The following CADPS variants were observed in gnomAD, a reference collection of about 807,000 sequenced individuals.
The protein encoded by CADPS is calcium dependent secretion activator.
A neutral mutation model predicts 167.3 loss-of-function variants in CADPS; 57 were observed. The observed-to-expected ratio is 0.34, with a 90% CI of 0.28 to 0.42. The LOEUF (loss-of-function observed/expected upper bound fraction) is 0.42, where lower values mean the gene tolerates loss of function less well. Among genes scored for constraint, CADPS ranks in the 20% least tolerant of loss-of-function variants. CADPS has a pLI of 1.00. For synonymous variants in CADPS, 676 were observed against 635.3 expected, an observed-to-expected ratio of 1.06 and a Z score of -0.96; for missense variants, 1,414 against 1,738.1, an observed-to-expected ratio of 0.81 and a Z score of 3.32.
At position 62,536,560 on chromosome 3, in the gene CADPS, T is replaced by C. The variant is rs1168476602; in HGVS notation, c.1988A>G (p.His663Arg). Residue 663 changes from histidine to arginine, a missense_variant, in exon 12 of 30, where the codon CAT (histidine) becomes CGT (arginine). His to Arg is a conservative substitution (Grantham distance 29). Transcript: ENST00000383710. Reference sequence around the variant, plus strand: ...GGAAGAGATAAATTCATCCATGCCATGTTTTTGAGCTCTATCTGCGTCTGT... The same window carrying C: ...GGAAGAGATAAATTCATCCATGCCACGTTTTTGAGCTCTATCTGCGTCTGT... ...SQFYADRAQK[H>R]GMDEFISSNP... The C allele has an allele frequency of 1.2e-6, 2 of 1,613,472 alleles. No homozygotes were observed. The highest frequency in any genetic ancestry group is 1.7e-6 in the Non-Finnish European group (2 of 1,179,470).
At chr3:62,731,805 CAAAAA>C (rs1212456893) in intron 3 of CADPS, among the ~76,000 whole-genome samples, 1 of 27,136 alleles carries the variant, frequency 3.7e-5, no homozygotes, top group East Asian at 1.1e-3. Context: ...TGATCATATG[CAAAAA>C]AAAAAAAAAA....
At chr3:62,435,660 CT>C (rs2054856235) in intron 28 of CADPS, among the ~76,000 whole-genome samples, 2 of 152,080 alleles carry the variant, frequency 1.3e-5, no homozygotes, top group African/African-American at 4.8e-5. Context: ...AAATAAGCTC[CT>C]GAAAAATTTT....
At chr3:62,487,089 C>T (rs1195020923) in intron 21 of CADPS, among the ~76,000 whole-genome samples, 2 of 152,176 alleles carry the variant, frequency 1.3e-5, no homozygotes, top group Non-Finnish European at 2.9e-5. Context: ...CTGAACCCCA[C>T]CTCCAGAGTT....
At chr3:62,864,088 T>C (rs752249724) in intron 1 of CADPS, among the ~76,000 whole-genome samples, 7 of 152,184 alleles carry the variant, frequency 4.6e-5, no homozygotes, top group Admixed American at 6.5e-5. Flanking sequence ...TGCATACTAC[T>C]CAATACAGCT....
chr3:62,533,191 G>C (rs1577329550), intron 12 of CADPS, 133 bp from the exon 13 acceptor site: 1 of 693,452 alleles, frequency 1.4e-6, no homozygotes. Context: ...CCTATTATGT[G>C]CCAGCCACTG....
intron 1 of CADPS, among the ~76,000 whole-genome samples, chr3:62,804,223 G>A (rs1021035251): frequency 3.3e-5 from 5 of 152,116 alleles, no homozygotes; most frequent in African/African-American, 7.2e-5. Flanking sequence ...AATACTTGAC[G>A]GATGAATGAA....
Position 62,635,496 on chromosome 3 carries a change from T to C in CADPS, c.1325+10226A>G, listed in dbSNP as rs141690171. 1.4e-3 allele frequency among the ~76,000 whole-genome samples: 219 copies of C among 152,316 alleles called. No individual in the cohort carries two copies. The Middle Eastern group carries it at 0.017, about 12-fold the overall frequency. On this transcript the variant is annotated intron_variant, in intron 6 of 29. Coordinates refer to ENST00000383710, the MANE Select transcript of CADPS (RefSeq NM_003716.4). Reference sequence around the variant, plus strand: ...TGTGCTACTTGCTAAAAGTCAAATTTACAGAGATTTACTTGTGTTGGACCT... The same window carrying C: ...TGTGCTACTTGCTAAAAGTCAAATTCACAGAGATTTACTTGTGTTGGACCT...
At chr3:62,537,870 TG>T (rs2075013159) in intron 11 of CADPS, among the ~76,000 whole-genome samples, 3 of 152,088 alleles carry the variant, frequency 2.0e-5, no homozygotes, top group African/African-American at 7.2e-5. Context: ...ATCCATGGTA[TG>T]GTCAGATTTA....
chr3:62,615,461 G>T (rs1015566124), intron 6 of CADPS, among the ~76,000 whole-genome samples: 2 of 152,146 alleles, frequency 1.3e-5, no homozygotes, highest in African/African-American at 4.8e-5. Flanking sequence ...TGTGTTAAGT[G>T]CTTTTACATG....
rs569796751 is a variant in CADPS at position 62,792,813 on chromosome 3, G to T, written c.442-26829C>A. Among the ~76,000 whole-genome samples the T allele has an allele frequency of 6.7e-4, 102 of 152,080 alleles. 1 individual carries two copies. Among genetic ancestry groups the T allele is most frequent in the Non-Finnish European group, 1.2e-3 (79 of 67,994 alleles). On this transcript the variant is annotated intron_variant, in intron 1 of 29. Coordinates refer to ENST00000383710, the MANE Select transcript of CADPS (RefSeq NM_003716.4). The stretch of plus-strand genomic sequence containing the variant: ...GGGTCTCACTATGTTTCTCAGGCTG[G>T]CCTCAAACTCCTGGCCTCAGGTGAT...
chr3:62,539,905 T>A (rs1255314816), intron 11 of CADPS, among the ~76,000 whole-genome samples: 1 of 152,148 alleles, frequency 6.6e-6, no homozygotes, highest in African/African-American at 2.4e-5. Context: ...ACTAGGTATA[T>A]GATATGAGGC....
chr3:62,815,426 G>A (rs941130290), intron 1 of CADPS, among the ~76,000 whole-genome samples: 10 of 152,156 alleles, frequency 6.6e-5, no homozygotes, highest in African/African-American at 2.4e-4. Flanking sequence ...ATGGTGACCA[G>A]GGGTGGGGGA....
Position 62,852,008 on chromosome 3 carries a change from G to A in CADPS, c.441+22581C>T, listed in dbSNP as rs1290553945. Among the ~76,000 whole-genome samples, 333 of 145,986 alleles carry A rather than the reference G, an allele frequency of 2.3e-3. 3 individuals are homozygous for A. The highest frequency in any genetic ancestry group is 7.6e-3 in the African/African-American group (298 of 39,018). The stretch of plus-strand genomic sequence containing the variant: ...CTTTTTTCTCTAAACTTCCCTTCTC[G>A]CTTCATTTCATTCATTTCATCTTCC... On this transcript the variant is annotated intron_variant, in intron 1 of 29. Transcript: ENST00000383710.
chr3:62,662,366 T>C lies in CADPS; in HGVS notation c.917A>G (p.Gln306Arg), dbSNP rs765406504. The C allele has an allele frequency of 2.5e-6, 4 of 1,614,030 alleles. No individual in the cohort carries two copies. Among genetic ancestry groups the C allele is most frequent in the Non-Finnish European group, 3.4e-6 (4 of 1,179,912 alleles). Residue 306 changes from glutamine to arginine, a missense_variant, in exon 4 of 30, where the codon CAG (glutamine) becomes CGG (arginine). Gln to Arg is a conservative substitution (Grantham distance 43, BLOSUM62 1). Coordinates refer to ENST00000383710, the MANE Select transcript of CADPS (RefSeq NM_003716.4). Reference protein sequence around the residue: ...QLDNPDEQAAQIRRELDGRLQ... With the variant: ...QLDNPDEQAARIRRELDGRLQ... ...ACGTCCATCCAGCTCTCGTCTGATC[T>C]GGGCTGCTTGCTCATCTGGATTGTC...
At chr3:62,533,615 G>T (rs1460603037) in intron 12 of CADPS, among the ~76,000 whole-genome samples, 1 of 152,134 alleles carries the variant, frequency 6.6e-6, no homozygotes, top group Non-Finnish European at 1.5e-5. Context: ...ACAAAACAGA[G>T]GCAGGACTCA....
intron 1 of CADPS, among the ~76,000 whole-genome samples, chr3:62,848,129 CG>C (rs1369928459): frequency 1.5e-5 from 2 of 136,664 alleles, no homozygotes; most frequent in African/African-American, 6.7e-5. Flanking sequence ...TGGGGTTGTT[CG>C]TTTTTTTCTT....
At chr3:62,471,336 C>A (rs535272934) in intron 24 of CADPS, among the ~76,000 whole-genome samples, 12 of 152,302 alleles carry the variant, frequency 7.9e-5, no homozygotes, top group South Asian at 6.2e-4. Flanking sequence ...TCTTTCTCAT[C>A]CTCTGTCTCC....
chr3:62,828,546 G>T (rs962872347), intron 1 of CADPS, among the ~76,000 whole-genome samples: 1 of 152,024 alleles, frequency 6.6e-6, no homozygotes, highest in Admixed American at 6.6e-5. Flanking sequence ...AAACACAGAA[G>T]AGCCTTGTAT....
Position 62,662,362 on chromosome 3 carries a change from G to A in CADPS, c.921C>T (p.Ile307=). 1 of 1,614,008 alleles carries A rather than the reference G, an allele frequency of 6.2e-7. No individual in the cohort carries two copies. The highest frequency in any genetic ancestry group is 8.5e-7 in the Non-Finnish European group (1 of 1,179,918). Residue 307 remains isoleucine, a synonymous_variant, in exon 4 of 30, where the codon ATC becomes ATT. Transcript: ENST00000383710. ...LDNPDEQAAQ[I]RRELDGRLQM... ...GTAGACGTCCATCCAGCTCTCGTCT[G>A]ATCTGGGCTGCTTGCTCATCTGGAT...
Sources: allele counts gnomAD v4.1 joint callset (sites outside exome capture counted in the v4.1 genomes callset), GRCh38; gene constraint gnomAD v4.1.1; transcripts MANE v1.5; gene names NCBI Gene and HGNC (gene_info 2026-07-23, HGNC 2026-07-21).